The following WDFY2 variants were observed in gnomAD, a reference collection of about 807,000 sequenced individuals.
The protein encoded by WDFY2 is WD repeat and FYVE domain containing 2.
A neutral mutation model predicts 56.4 loss-of-function variants in WDFY2; 36 were observed. The ratio of observed to expected loss-of-function variants is 0.64; its 90% CI spans 0.49 to 0.84. The LOEUF (loss-of-function observed/expected upper bound fraction) is 0.84. WDFY2 is among the 40% of genes least tolerant of loss of function. WDFY2 has a pLI of 0.00. For synonymous variants in WDFY2, 176 were observed against 183.7 expected (o/e 0.96, Z 0.34); for missense variants, 444 against 512.2 (o/e 0.87, Z 1.29).
rs965517955 is a variant in WDFY2 at position 51,755,390 on chromosome 13, A to C, written c.864A>C (p.Gln288His). ...TPEWLDSDSC[Q>H]KCDQPFFWNF... The stretch of plus-strand genomic sequence containing the variant: ...AATGGTTGGACAGTGATTCCTGCCA[A>C]AAGTGTGATCAGCCTTTCTTCTGGA... Residue 288 changes from glutamine to histidine, a missense_variant, in exon 9 of 12, where the codon CAA (glutamine) becomes CAC (histidine). Gln to His is a conservative substitution (Grantham distance 24). Coordinates refer to ENST00000298125, the MANE Select transcript of WDFY2 (RefSeq NM_052950.4). 1.9e-6 allele frequency: 3 copies of C among 1,614,106 alleles called. No homozygotes were observed. Among genetic ancestry groups the C allele is most frequent in the Non-Finnish European group, 2.5e-6 (3 of 1,180,052 alleles).
intron 2 of WDFY2, among the ~76,000 whole-genome samples, chr13:51,665,061 T>A (rs138431670): frequency 3.3e-5 from 5 of 152,218 alleles, no homozygotes; most frequent in African/African-American, 1.2e-4. Context: ...ATGGTGAGTG[T>A]TTTAATGTGG....
At chr13:51,600,806 G>A (rs1038755018) in intron 1 of WDFY2, among the ~76,000 whole-genome samples, 15 of 152,178 alleles carry the variant, frequency 9.9e-5, no homozygotes, top group African/African-American at 1.7e-4. Flanking sequence ...ATGAGCCCAT[G>A]CCCTTTTCGT....
intron 1 of WDFY2, among the ~76,000 whole-genome samples, chr13:51,650,985 A>G (rs1593934497): frequency 6.6e-6 from 1 of 152,214 alleles, no homozygotes; most frequent in Admixed American, 6.5e-5. Context: ...TTTCAGAAGG[A>G]ATGGCACCAG....
At chr13:51,697,516 C>T (rs1349799152) in intron 3 of WDFY2, among the ~76,000 whole-genome samples, 1 of 151,766 alleles carries the variant, frequency 6.6e-6, no homozygotes, top group Non-Finnish European at 1.5e-5. Flanking sequence ...GCCTGTAGTC[C>T]CAGCTACTCA....
At position 51,703,156 on chromosome 13, in the gene WDFY2, A is replaced by G. The variant is rs1339794383; in HGVS notation, c.280-440A>G. On this transcript the variant is annotated intron_variant, in intron 3 of 11. Transcript: ENST00000298125. ...TAAGATGCAACCTTCAGATGCTTAT[A>G]GTAAGTAAGGGGAAATAAATTACTA... Among the ~76,000 whole-genome samples the G allele has an allele frequency of 3.9e-5, 6 of 152,220 alleles. No individual in the cohort carries two copies. The East Asian group carries it at 1.2e-3, about 29-fold the overall frequency.
rs776114423 is a variant in WDFY2, at chr13:51,584,725, A to G, written c.38A>G (p.Lys13Arg). 1.2e-5 allele frequency: 19 copies of G among 1,613,694 alleles called. No individual in the cohort carries two copies. The highest frequency in any genetic ancestry group is 1.7e-5 in the Admixed American group (1 of 60,024). ...AEIQPKPLTR[K>R]PILLQRMEGS... ...ATCCAGCCCAAGCCTCTGACCCGCAAGCCGATCCTGCTGCAGCGGATGGAG... is the reference window on the plus strand; with the variant it reads ...ATCCAGCCCAAGCCTCTGACCCGCAGGCCGATCCTGCTGCAGCGGATGGAG... Residue 13 changes from lysine (K) to arginine (R), a missense_variant, in exon 1 of 12, where the codon AAG becomes AGG. Lys to Arg is a conservative substitution (Grantham distance 26). Coordinates refer to ENST00000298125, the MANE Select transcript of WDFY2 (RefSeq NM_052950.4).
At chr13:51,714,698 G>A (rs1292122313) in intron 4 of WDFY2, among the ~76,000 whole-genome samples, 1 of 152,196 alleles carries the variant, frequency 6.6e-6, no homozygotes, top group Non-Finnish European at 1.5e-5. Flanking sequence ...TTGTGACACA[G>A]CATTTTCACT....
intron 6 of WDFY2, among the ~76,000 whole-genome samples, chr13:51,736,321 A>G (rs928154174): frequency 2.0e-5 from 3 of 152,196 alleles, no homozygotes; most frequent in Non-Finnish European, 4.4e-5. Flanking sequence ...AACTTGTCCA[A>G]GGTCCTATAC....
chr13:51,616,640 C>G (rs1954620701), intron 1 of WDFY2, among the ~76,000 whole-genome samples: 1 of 152,180 alleles, frequency 6.6e-6, no homozygotes, highest in Non-Finnish European at 1.5e-5. Context: ...CCTGCACTGG[C>G]TTTTAAAGAC....
At chr13:51,723,084 A>T (rs977523943) in intron 5 of WDFY2, among the ~76,000 whole-genome samples, 2 of 152,194 alleles carry the variant, frequency 1.3e-5, no homozygotes, top group Non-Finnish European at 2.9e-5. Context: ...AGCTGTTAAG[A>T]TTATGTCAAT....
chr13:51,712,948 C>G (rs981951499), intron 4 of WDFY2, among the ~76,000 whole-genome samples: 2 of 152,096 alleles, frequency 1.3e-5, no homozygotes, highest in Non-Finnish European at 2.9e-5. Flanking sequence ...CCTAATAGTT[C>G]TGTATCTACT....
chr13:51,747,233 A>G (rs145103284), intron 7 of WDFY2, among the ~76,000 whole-genome samples: 44 of 152,392 alleles, frequency 2.9e-4, no homozygotes, highest in African/African-American at 1.0e-3. Flanking sequence ...ATTGTGACCA[A>G]TGATATCAGA....
At chr13:51,746,009 C>CTG (rs2138704926) in intron 7 of WDFY2, among the ~76,000 whole-genome samples, 1 of 128,276 alleles carries the variant, frequency 7.8e-6, no homozygotes, top group East Asian at 2.3e-4. Context: ...CAGAGTCTCG[C>CTG]TGTGTCCCCC....
intron 5 of WDFY2, among the ~76,000 whole-genome samples, chr13:51,720,276 G>A (rs1268617530): frequency 1.3e-5 from 2 of 152,136 alleles, no homozygotes; most frequent in Non-Finnish European, 2.9e-5. Flanking sequence ...ATATTTTTAT[G>A]TATATATATG....
chr13:51,692,119 T>C (rs1199471782), intron 3 of WDFY2, among the ~76,000 whole-genome samples: 2 of 152,348 alleles, frequency 1.3e-5, no homozygotes, highest in African/African-American at 2.4e-5. Context: ...TTTCTAGATA[T>C]ACAATCATGT....
chr13:51,728,345 G>C (rs1406029264), intron 6 of WDFY2, among the ~76,000 whole-genome samples: 1 of 152,106 alleles, frequency 6.6e-6, no homozygotes, highest in Non-Finnish European at 1.5e-5. Flanking sequence ...TTTGCTCAGG[G>C]TCACTTAAGC....
At chr13:51,614,565 C>G (rs553691846) in intron 1 of WDFY2, among the ~76,000 whole-genome samples, 1 of 152,180 alleles carries the variant, frequency 6.6e-6, no homozygotes, top group Admixed American at 6.5e-5. Flanking sequence ...TGGCTGCTCT[C>G]CAGTCAGCAT....
At chr13:51,756,894 A>G (rs1286917723) in intron 10 of WDFY2, among the ~76,000 whole-genome samples, 1 of 152,206 alleles carries the variant, frequency 6.6e-6, no homozygotes, top group African/African-American at 2.4e-5. Context: ...CAAGAGGCAA[A>G]TATTCCCAGT....
At chr13:51,593,383 G>T (rs967081554) in intron 1 of WDFY2, among the ~76,000 whole-genome samples, 1 of 152,018 alleles carries the variant, frequency 6.6e-6, no homozygotes, top group African/African-American at 2.4e-5. Context: ...TTTATAAATT[G>T]TTATACATAT....
Sources: gnomAD v4.1 joint callset for allele counts (sites outside exome capture counted in the v4.1 genomes callset) on GRCh38, gnomAD v4.1.1 for gene constraint, MANE v1.5 for transcripts, NCBI Gene and HGNC (gene_info 2026-07-23, HGNC 2026-07-21) for gene names.